SLC2A13: variants seen among roughly 807,000 people sequenced by gnomAD.
SLC2A13 encodes proton myo-inositol cotransporter.
Under a neutral mutation model 64.4 loss-of-function variants are expected in SLC2A13, and 32 were observed. The ratio of observed to expected loss-of-function variants is 0.50; its 90% CI spans 0.37 to 0.67. The LOEUF is 0.67. Among genes scored for constraint, SLC2A13 ranks in the 30% least tolerant of loss-of-function variants. The probability of loss-of-function intolerance (pLI) is 0.00; values close to 1 mark genes in which losing one functional copy is unlikely to be tolerated. For synonymous variants in SLC2A13, 338 were observed against 327.1 expected, an observed-to-expected ratio of 1.03 and a Z score of -0.36; for missense variants, 743 against 829.2, an observed-to-expected ratio of 0.90 and a Z score of 1.28.
chr12:39,934,166 G>GAATTCTTTT (rs1945879555), intron 4 of SLC2A13, among the ~76,000 whole-genome samples: 1 of 152,164 alleles, frequency 6.6e-6, no homozygotes, highest in Non-Finnish European at 1.5e-5. Flanking sequence ...GCCTCAAAAA[G>GAATTCTTTT]AATTCTTTTA....
intron 5 of SLC2A13, among the ~76,000 whole-genome samples, chr12:39,866,590 C>T (rs892942751): frequency 4.6e-5 from 7 of 152,140 alleles, no homozygotes; most frequent in Admixed American, 4.6e-4. Flanking sequence ...CGCCATTCTC[C>T]TGCCTCAGCC....
At chr12:39,791,261 A>C (rs1328684139) in intron 7 of SLC2A13, among the ~76,000 whole-genome samples, 2 of 137,934 alleles carry the variant, frequency 1.4e-5, no homozygotes, top group South Asian at 2.6e-4. Context: ...ACCCACAGCC[A>C]ATATCATACT....
chr12:40,074,932 G>C (rs1938111950), intron 1 of SLC2A13, among the ~76,000 whole-genome samples: 1 of 152,206 alleles, frequency 6.6e-6, no homozygotes, highest in Non-Finnish European at 1.5e-5. Context: ...AGAATGGCTA[G>C]AGGGTAGAGG....
At chr12:40,042,968 A>AAG (rs914714853) in intron 2 of SLC2A13, among the ~76,000 whole-genome samples, 1 of 151,656 alleles carries the variant, frequency 6.6e-6, no homozygotes, top group Non-Finnish European at 1.5e-5. Flanking sequence ...TGAAAAAAAA[A>AAG]AAAAAAAAAC....
chr12:39,978,962 G>A (rs790875), intron 3 of SLC2A13, among the ~76,000 whole-genome samples: 3,119 of 149,008 alleles, frequency 0.021, 116 homozygotes, highest in African/African-American at 0.073. Flanking sequence ...CTCCCAGCAC[G>A]CAGCTGGAGA....
intron 7 of SLC2A13, among the ~76,000 whole-genome samples, chr12:39,826,950 G>A (rs993942228): frequency 6.1e-5 from 8 of 131,628 alleles, no homozygotes; most frequent in Admixed American, 9.1e-5. Context: ...AATTGGTGTC[G>A]TTTCTATTAG....
intron 1 of SLC2A13, among the ~76,000 whole-genome samples, chr12:40,064,361 C>T (rs1331525557): frequency 6.6e-6 from 1 of 151,880 alleles, no homozygotes; most frequent in Non-Finnish European, 1.5e-5. Flanking sequence ...GTGGACTTAA[C>T]TTTTTAACAT....
chr12:39,795,855 AT>A (rs1243701335), intron 7 of SLC2A13, among the ~76,000 whole-genome samples: 6 of 151,968 alleles, frequency 3.9e-5, no homozygotes, highest in African/African-American at 1.5e-4. Context: ...GCATTGGGGC[AT>A]TTTTTTCTTT....
chr12:40,082,352 T>C (rs1237981729), intron 1 of SLC2A13, among the ~76,000 whole-genome samples: 1 of 152,252 alleles, frequency 6.6e-6, no homozygotes, highest in Non-Finnish European at 1.5e-5. Context: ...TGCTTACTTT[T>C]CAGAATCCTC....
chr12:40,081,343 T>C (rs1222669483), intron 1 of SLC2A13, among the ~76,000 whole-genome samples: 1 of 152,228 alleles, frequency 6.6e-6, no homozygotes, highest in Non-Finnish European at 1.5e-5. Flanking sequence ...AAATGAGTTG[T>C]AGGTTTGGTC....
chr12:40,082,437 T>C (rs141715529), intron 1 of SLC2A13, among the ~76,000 whole-genome samples: 3 of 152,258 alleles, frequency 2.0e-5, no homozygotes, highest in Middle Eastern at 3.4e-3. Flanking sequence ...TCTGTGAGGA[T>C]GGATATTCTA....
At position 40,105,983 on chromosome 12, in the gene SLC2A13, T is replaced by C; in HGVS notation, c.-175A>G. 2 of 724,876 alleles carry C rather than the reference T, an allele frequency of 2.8e-6. No individual in the cohort carries two copies. The highest frequency in any genetic ancestry group is 3.9e-6 in the Non-Finnish European group (2 of 512,788). 44.9% of individuals were successfully genotyped at this position (724,876 alleles called of 1,614,324 possible). Reference sequence around the variant, plus strand: ...CGCCACGGCCGCTCCGGGGAGAAAGTTGCTGCCCGCCGCGCTCCGACGCTG... The same window carrying C: ...CGCCACGGCCGCTCCGGGGAGAAAGCTGCTGCCCGCCGCGCTCCGACGCTG... On this transcript the variant is annotated 5_prime_UTR_variant, in exon 1 of 10. Coordinates refer to ENST00000280871, the MANE Select transcript of SLC2A13 (RefSeq NM_052885.4). The surrounding 1 kb of genome is among the most constrained non-coding windows in gnomAD (Gnocchi z 4.2).
At chr12:39,947,397 GA>G (rs1251976309) in intron 4 of SLC2A13, among the ~76,000 whole-genome samples, 4 of 152,130 alleles carry the variant, frequency 2.6e-5, no homozygotes, top group Non-Finnish European at 5.9e-5. Context: ...CTGCTTATCA[GA>G]ATATACCAAA....
At chr12:39,827,510 T>C (rs1942729043) in intron 7 of SLC2A13, among the ~76,000 whole-genome samples, 2 of 152,140 alleles carry the variant, frequency 1.3e-5, no homozygotes, top group South Asian at 4.1e-4. Context: ...AATATTCCCA[T>C]GTGGGCTCAC....
At chr12:40,086,014 T>C (rs1352166691) in intron 1 of SLC2A13, among the ~76,000 whole-genome samples, 2 of 152,174 alleles carry the variant, frequency 1.3e-5, no homozygotes, top group Admixed American at 1.3e-4. Flanking sequence ...AATTTTTGTA[T>C]TTTTAGTAGC....
At position 39,906,095 on chromosome 12, in the gene SLC2A13, C is replaced by T. The variant is rs904069029; in HGVS notation, c.1035-34134G>A. Among the ~76,000 whole-genome samples the T allele has an allele frequency of 3.4e-5, 5 of 148,084 alleles. No homozygotes were observed. The Admixed American group carries it at 3.5e-4, about 10-fold the overall frequency. On this transcript the variant is annotated intron_variant, in intron 4 of 9. Transcript: ENST00000280871. ...CAAACTTGTTTGTAATAAAATTCAC[C>T]TATGTTGGACAAAATCTAATTCTTG...
At chr12:39,858,082 G>A (rs1019536952) in intron 6 of SLC2A13, among the ~76,000 whole-genome samples, 1 of 152,196 alleles carries the variant, frequency 6.6e-6, no homozygotes, top group Non-Finnish European at 1.5e-5. Flanking sequence ...CAAAGAATAT[G>A]TCCCATAAAT....
At chr12:39,896,010 G>A (rs1234260083) in intron 4 of SLC2A13, among the ~76,000 whole-genome samples, 5 of 134,754 alleles carry the variant, frequency 3.7e-5, no homozygotes, top group African/African-American at 5.7e-5. Flanking sequence ...ATATATACAT[G>A]TGTATATGTA....
At chr12:39,773,437 G>A (rs1940658999) in intron 7 of SLC2A13, among the ~76,000 whole-genome samples, 1 of 152,110 alleles carries the variant, frequency 6.6e-6, no homozygotes, top group Non-Finnish European at 1.5e-5. Flanking sequence ...GAAATTAACA[G>A]CTCCCTTTGA....
Sources: gnomAD v4.1 joint callset for allele counts (sites outside exome capture counted in the v4.1 genomes callset) on GRCh38, gnomAD v4.1.1 for gene constraint, Gnocchi (gnomAD v3.1) non-coding constraint, MANE v1.5 for transcripts, NCBI Gene and HGNC (gene_info 2026-07-23, HGNC 2026-07-21) for gene names.